Variants in PCSK5 observed in about 807,000 individuals in gnomAD.
PCSK5 encodes the protein proprotein convertase subtilisin/kexin type 5, also known as prohormone convertase 5.
Under a neutral mutation model 233.2 loss-of-function variants are expected in PCSK5, and 129 were observed. The observed-to-expected ratio is 0.55, with a 90% CI of 0.48 to 0.64. The LOEUF (loss-of-function observed/expected upper bound fraction) is 0.64, where lower values mean the gene tolerates loss of function less well. Among genes scored for constraint, PCSK5 ranks in the 30% least tolerant of loss-of-function variants. PCSK5 has a pLI of 0.00. For synonymous variants in PCSK5, 825 were observed against 879.2 expected (o/e 0.94, Z 1.09); for missense variants, 2,076 against 2,430.1 (o/e 0.85, Z 3.06).
chr9:76,232,331 C>T (rs1337271565), intron 21 of PCSK5, among the ~76,000 whole-genome samples: 1 of 152,172 alleles, frequency 6.6e-6, no homozygotes, highest in Non-Finnish European at 1.5e-5. Context: ...CGGGAGCTTG[C>T]GTATGCTATG....
At chr9:76,181,180 C>T (rs1001668253) in intron 15 of PCSK5, among the ~76,000 whole-genome samples, 1 of 152,166 alleles carries the variant, frequency 6.6e-6, no homozygotes, top group Non-Finnish European at 1.5e-5. Context: ...TTTGACAAGT[C>T]CTTGGTAGAT....
At chr9:75,915,489 T>C (rs1337999479) in intron 1 of PCSK5, among the ~76,000 whole-genome samples, 1 of 152,220 alleles carries the variant, frequency 6.6e-6, no homozygotes, top group East Asian at 1.9e-4. Flanking sequence ...TTTATCACTT[T>C]AATTTCTTGA....
At chr9:76,352,474 G>A (rs996970559) in intron 36 of PCSK5, among the ~76,000 whole-genome samples, 2 of 152,002 alleles carry the variant, frequency 1.3e-5, no homozygotes, top group African/African-American at 4.8e-5. Flanking sequence ...ATTTTACCCA[G>A]CCCCTATTCA....
Position 76,354,053 on chromosome 9 carries a change from A to G in PCSK5, c.5088A>G (p.Glu1696=). 1 of 1,609,814 alleles carries G rather than the reference A, an allele frequency of 6.2e-7. No homozygotes were observed. Among genetic ancestry groups the G allele is most frequent in the Non-Finnish European group, 8.5e-7 (1 of 1,178,608 alleles). ...RVGEGEKFNC[E]KCHESCMECK... is the part of the protein sequence containing the mutation. ...AACAGGGAGAGAAGTTTAACTGTGA[A>G]AAATGCCACGAGAGCTGCATGGAAT... Residue 1696 remains glutamate, a synonymous_variant, in exon 37 of 38, where the codon GAA becomes GAG. Coordinates refer to ENST00000674117, the MANE Select transcript of PCSK5 (RefSeq NM_001372043.1).
chr9:75,912,186 G>A lies in PCSK5; in HGVS notation c.193-20193G>A, dbSNP rs556635052. Reference sequence around the variant, plus strand: ...TAAACAGGCTTAGGAAGTCTTCGTGGAGAAGGTGGCATGAGCAAATTTGTG... The same window carrying A: ...TAAACAGGCTTAGGAAGTCTTCGTGAAGAAGGTGGCATGAGCAAATTTGTG... On this transcript the variant is annotated intron_variant, in intron 1 of 37. Coordinates refer to ENST00000674117, the MANE Select transcript of PCSK5 (RefSeq NM_001372043.1). Among the ~76,000 whole-genome samples, 7 of 152,202 alleles carry A rather than the reference G, an allele frequency of 4.6e-5. No individual in the cohort carries two copies. In the South Asian group the frequency reaches 1.5e-3, roughly 32 times the overall value.
intron 4 of PCSK5, among the ~76,000 whole-genome samples, chr9:76,024,713 GA>G (rs1355883825): frequency 3.3e-5 from 5 of 152,112 alleles, no homozygotes; most frequent in Admixed American, 2.6e-4. Context: ...CTCCTCTTGA[GA>G]AAAAAATTCT....
At chr9:76,123,463 A>G (rs2131721425) in intron 9 of PCSK5, among the ~76,000 whole-genome samples, 1 of 152,314 alleles carries the variant, frequency 6.6e-6, no homozygotes, top group Non-Finnish European at 1.5e-5. Context: ...TCCTTGCTAT[A>G]TAAACATGGC....
Position 76,239,045 on chromosome 9 carries a change from T to C in PCSK5, c.2953T>C (p.Cys985Arg). The change falls in exon 23 of 38, where the codon TGC (cysteine) becomes CGC (arginine). Residue 985 changes from cysteine (C) to arginine (R), a missense_variant. By Grantham distance (180) the Cys-to-Arg change is radical. This residue lies in a region of PCSK5 where 1,510 missense variants were observed against 1,538.1 expected (regional missense o/e 0.98). Transcript: ENST00000674117. Reference protein sequence around the residue: ...EGHYATEGNTCLPCPDNCELC... With the variant: ...EGHYATEGNTRLPCPDNCELC... ...CCACTATGCCACTGAGGGGAACACC[T>C]GCCTGCCCTGCCCAGACAACTGTGA... 1.2e-6 allele frequency: 2 copies of C among 1,611,796 alleles called. No homozygotes were observed. The highest frequency in any genetic ancestry group is 2.2e-5 in the South Asian group (2 of 90,670).
chr9:75,907,014 G>T (rs1161803326), intron 1 of PCSK5, among the ~76,000 whole-genome samples: 1 of 152,010 alleles, frequency 6.6e-6, no homozygotes, highest in African/African-American at 2.4e-5. Context: ...CTTGTCTATG[G>T]CCATACTATG....
At position 75,912,887 on chromosome 9, in the gene PCSK5, T is replaced by A. The variant is rs147436061; in HGVS notation, c.193-19492T>A. The stretch of plus-strand genomic sequence containing the variant: ...ACAAAGGGACCTAGCTCTGGACACC[T>A]CCCCATCCCACTCTCATACCAGATC... On this transcript the variant is annotated intron_variant, in intron 1 of 37. Transcript: ENST00000674117. Among the ~76,000 whole-genome samples the A allele has an allele frequency of 4.6e-3, 700 of 152,274 alleles. 4 individuals carry two copies. Among genetic ancestry groups the A allele is most frequent in the African/African-American group, 0.016 (660 of 41,548 alleles).
chr9:76,147,239 A>T (rs1218645232), intron 10 of PCSK5, among the ~76,000 whole-genome samples: 1 of 152,246 alleles, frequency 6.6e-6, no homozygotes, highest in Admixed American at 6.5e-5. Context: ...ATGCAAGTCT[A>T]GGTTAATTAA....
chr9:75,948,735 C>T (rs1014651375), intron 2 of PCSK5, among the ~76,000 whole-genome samples: 5 of 152,180 alleles, frequency 3.3e-5, no homozygotes, highest in Admixed American at 1.3e-4. Flanking sequence ...GGAATTGCCA[C>T]ACTGTCTTCT....
At chr9:76,143,395 G>A (rs1373245913) in intron 10 of PCSK5, among the ~76,000 whole-genome samples, 1 of 152,174 alleles carries the variant, frequency 6.6e-6, no homozygotes, top group Non-Finnish European at 1.5e-5. Flanking sequence ...AGCCGCTGCG[G>A]TGATTGAGAA....
At chr9:76,232,103 T>C (rs1351961868) in intron 21 of PCSK5, among the ~76,000 whole-genome samples, 1 of 152,146 alleles carries the variant, frequency 6.6e-6, no homozygotes, top group African/African-American at 2.4e-5. Context: ...GGGATTGAAA[T>C]GGCCCACCCC....
intron 12 of PCSK5, among the ~76,000 whole-genome samples, chr9:76,159,454 G>A (rs186104968): frequency 8.2e-4 from 125 of 152,312 alleles, no homozygotes; most frequent in African/African-American, 2.8e-3. Context: ...GCACTAACTC[G>A]TAAGGCCTCT....
At chr9:76,355,180 AAAAG>A (rs1470567932) in intron 37 of PCSK5, among the ~76,000 whole-genome samples, 1 of 152,202 alleles carries the variant, frequency 6.6e-6, no homozygotes, top group African/African-American at 2.4e-5. Context: ...TCCTTCTAAA[AAAAG>A]AAACATGGCC....
chr9:75,913,393 A>G (rs1341470779), intron 1 of PCSK5, among the ~76,000 whole-genome samples: 1 of 152,216 alleles, frequency 6.6e-6, no homozygotes, highest in Non-Finnish European at 1.5e-5. Flanking sequence ...ATAGCCACAC[A>G]TATATGAGTA....
rs1830157477 is a variant in PCSK5 at position 76,351,533 on chromosome 9, G to GAAGAAAGA, written c.5067+608_5067+609insAAAGAAAG. 1.3e-4 allele frequency among the ~76,000 whole-genome samples: 2 copies of GAAGAAAGA among 15,824 alleles called. 1 individual carries two copies. The highest frequency in any genetic ancestry group is 5.4e-4 in the Non-Finnish European group (2 of 3,726). 10.4% of individuals were successfully genotyped at this position (15,824 alleles called of 152,430 possible). A position where few individuals can be genotyped will look rare whatever the true frequency, so the allele number is the denominator to read the frequency against. On this transcript the variant is annotated intron_variant, in intron 36 of 37. Coordinates refer to ENST00000674117, the MANE Select transcript of PCSK5 (RefSeq NM_001372043.1). ...GAAAGAAAGAAAGAAAGAAAGAAAG[G>GAAGAAAGA]AAGGAAAGAAAGAGAAAGAAGAGAG...
intron 9 of PCSK5, among the ~76,000 whole-genome samples, chr9:76,107,942 C>T (rs1328695321): frequency 1.3e-5 from 2 of 152,166 alleles, no homozygotes; most frequent in African/African-American, 4.8e-5. Flanking sequence ...TTTGCCTTAA[C>T]GTTTTGAAAA....
Sources: allele counts gnomAD v4.1 joint callset (sites outside exome capture counted in the v4.1 genomes callset), GRCh38; gene constraint gnomAD v4.1.1; regional missense constraint gnomAD v4.1.1; transcripts MANE v1.5; gene names NCBI Gene and HGNC (gene_info 2026-07-23, HGNC 2026-07-21).